The following ACSF3 variants were observed in gnomAD, a reference collection of about 807,000 sequenced individuals.
ACSF3 encodes the protein malonate--CoA ligase ACSF3, mitochondrial.
Under a neutral mutation model 53.2 loss-of-function variants are expected in ACSF3, and 78 were observed. The observed-to-expected ratio is 1.47, with a 90% CI of 1.22 to 1.77. The LOEUF is 1.77. ACSF3 is among the 40% of genes most tolerant of loss of function. The pLI, the probability that ACSF3 is intolerant of heterozygous loss-of-function variation, is 0.00. For synonymous variants in ACSF3, 414 were observed against 333.1 expected (o/e 1.24, Z -2.65); for missense variants, 937 against 771.1 (o/e 1.22, Z -2.55).
At chr16:89,102,822 C>T in intron 4 of ACSF3, 63 bp downstream of exon 4, 1 of 1,589,900 alleles carries the variant, frequency 6.3e-7, no homozygotes, top group Non-Finnish European at 8.5e-7. Context: ...CTGTCGGGGC[C>T]AGGGCTCTCA....
Position 89,120,856 on chromosome 16 carries a change from A to C in ACSF3, c.1182A>C (p.Pro394=). The change falls in exon 7 of 11, where the codon CCA becomes CCC. Residue 394 remains proline, a synonymous_variant. Coordinates refer to ENST00000614302, the MANE Select transcript of ACSF3 (RefSeq NM_001243279.3). ...GVQVRIVSEN[P]QREACSYTIH... is the part of the protein sequence containing the mutation. ...AGGTGCGCATTGTCTCAGAAAACCC[A>C]CAGAGGGAAGCCTGCTCCTACACCA... 6.2e-7 allele frequency: 1 copy of C among 1,614,034 alleles called. No homozygotes were observed. The highest frequency in any genetic ancestry group is 8.5e-7 in the Non-Finnish European group (1 of 1,179,976).
intron 1 of ACSF3, among the ~76,000 whole-genome samples, chr16:89,097,104 G>A (rs960287559): frequency 3.3e-5 from 5 of 152,236 alleles, no homozygotes; most frequent in African/African-American, 1.2e-4. Flanking sequence ...TCAGGAATTT[G>A]TAGAAATGCC....
At position 89,094,080 on chromosome 16, in the gene ACSF3, T is replaced by A. The variant is rs142287889; in HGVS notation, c.-194+84T>A. 1,466 of 150,876 alleles carry A rather than the reference T, an allele frequency of 9.7e-3. 16 individuals carry two copies. The highest frequency in any genetic ancestry group is 0.027 in the South Asian group (130 of 4,810). 9.3% of individuals were successfully genotyped at this position (150,876 alleles called of 1,614,324 possible). On this transcript the variant is annotated intron_variant, in intron 1 of 10. Transcript: ENST00000614302. ...GGGCGCGGGCTCCGGCGCCCGCCCC[T>A]GGGTCGCAGCTGGGCTTGAGCCGTG...
intron 7 of ACSF3, among the ~76,000 whole-genome samples, chr16:89,131,103 T>G (rs867775408): frequency 6.7e-6 from 1 of 148,940 alleles, no homozygotes; most frequent in African/African-American, 2.5e-5. Flanking sequence ...TGTTTGCCCT[T>G]TCTTTCTTTT....
At chr16:89,114,539 C>A (rs778868574) in intron 6 of ACSF3, 52 bp downstream of exon 6, 14 of 1,601,990 alleles carry the variant, frequency 8.7e-6, no homozygotes, top group South Asian at 5.5e-5. Context: ...TCTGAGCCCC[C>A]CAAGGTGGGC....
chr16:89,093,906 A>G lies in ACSF3; in HGVS notation c.-284A>G, dbSNP rs939222669. On this transcript the variant is annotated 5_prime_UTR_variant, in exon 1 of 11. Transcript: ENST00000614302. ...TCACGACCCCGCGGGACCCGGCCGG[A>G]ACCCGGCCCGACCCCGGCGCGCGCG... The G allele has an allele frequency of 4.6e-5, 15 of 328,096 alleles. No individual in the cohort carries two copies. The highest frequency in any genetic ancestry group is 2.0e-4 in the African/African-American group (9 of 44,796). The allele number at this position is 328,096 out of a possible 1,614,324, so 20.3% of individuals were successfully genotyped here.
intron 8 of ACSF3, among the ~76,000 whole-genome samples, chr16:89,133,930 C>T (rs886501033): frequency 2.0e-5 from 3 of 152,210 alleles, no homozygotes; most frequent in Admixed American, 6.5e-5. Flanking sequence ...CCCACTGCCA[C>T]CCTCCTGCTC....
chr16:89,146,381 G>A (rs1912962538), intron 10 of ACSF3, among the ~76,000 whole-genome samples: 1 of 152,162 alleles, frequency 6.6e-6, no homozygotes, highest in Non-Finnish European at 1.5e-5. Context: ...CATGCAGGAG[G>A]TGCATGGAGC....
chr16:89,114,256 C>A lies in ACSF3; in HGVS notation c.978-83C>A, dbSNP rs9940965. 2.9e-5 allele frequency: 47 copies of A among 1,597,680 alleles called. No homozygotes were observed. The Middle Eastern group carries it at 1.8e-3, about 62-fold the overall frequency. On this transcript the variant is annotated intron_variant, in intron 5 of 10. Coordinates refer to ENST00000614302, the MANE Select transcript of ACSF3 (RefSeq NM_001243279.3). ...TGCCACTTTTGCAAGCAAGGGCCGC[C>A]TCCTGAGGGGCTAAACCTGCCACCT...
In ACSF3 at chr16:89,155,156, C is replaced by T. The variant is rs964986955; in HGVS notation, c.*949C>T. ...GGCCAATTCAGATGCACAGGGGCCACATGCAGAATCCAGAAGTTTCTGGAC... is the reference window on the plus strand; with the variant it reads ...GGCCAATTCAGATGCACAGGGGCCATATGCAGAATCCAGAAGTTTCTGGAC... On this transcript the variant is annotated 3_prime_UTR_variant, in exon 11 of 11. Coordinates refer to ENST00000614302, the MANE Select transcript of ACSF3 (RefSeq NM_001243279.3). The T allele has an allele frequency of 6.6e-6, 3 of 454,056 alleles. No homozygotes were observed. The highest frequency in any genetic ancestry group is 1.3e-5 in the Non-Finnish European group (3 of 226,816). 28.1% of individuals were successfully genotyped at this position (454,056 alleles called of 1,614,324 possible).
chr16:89,120,953 C>T, intron 7 of ACSF3, 40 bp downstream of exon 7: 1 of 1,571,024 alleles, frequency 6.4e-7, no homozygotes, highest in Non-Finnish European at 8.8e-7. Flanking sequence ...GGCCGTGTGT[C>T]CAGTCTAGGC....
chr16:89,124,323 G>T (rs2151490182), intron 7 of ACSF3, among the ~76,000 whole-genome samples: 1 of 152,110 alleles, frequency 6.6e-6, no homozygotes, highest in East Asian at 1.9e-4. Flanking sequence ...GTGTGTGTGA[G>T]ACCCGTTTGC....
chr16:89,113,893 C>T (rs970363685), intron 5 of ACSF3: 1 of 320,848 alleles, frequency 3.1e-6, no homozygotes, highest in African/African-American at 2.2e-5. Context: ...GCTGCAGAGC[C>T]TGCAAGCTGA....
chr16:89,111,909 A>G (rs540690558), intron 4 of ACSF3, among the ~76,000 whole-genome samples, 183 bp from the exon 5 acceptor site: 1 of 152,346 alleles, frequency 6.6e-6, no homozygotes, highest in South Asian at 2.1e-4. Flanking sequence ...GGCCAGACGC[A>G]GCTGTCCCGC....
Position 89,136,583 on chromosome 16 carries a change from G to A in ACSF3, c.1366+3321G>A, listed in dbSNP as rs1219254249. On this transcript the variant is annotated intron_variant, in intron 8 of 10. Transcript: ENST00000614302. Reference sequence around the variant, plus strand: ...GCCACACGGATTCTGGCATAAGCCGGCGGGCACAGGGGACAGCCAGGGATG... The same window carrying A: ...GCCACACGGATTCTGGCATAAGCCGACGGGCACAGGGGACAGCCAGGGATG... 4.7e-6 allele frequency: 6 copies of A among 1,281,500 alleles called. No homozygotes were observed. In the East Asian group the frequency reaches 2.8e-4, roughly 60 times the overall value. 79.4% of individuals were successfully genotyped at this position (1,281,500 alleles called of 1,614,324 possible).
intron 10 of ACSF3, 99 bp from the exon 11 acceptor site, chr16:89,153,991 C>T: frequency 2.3e-6 from 3 of 1,279,936 alleles, no homozygotes; most frequent in Non-Finnish European, 3.3e-6. Flanking sequence ...GGCAAGGCTG[C>T]AGGGTCCCAG....
intron 7 of ACSF3, chr16:89,122,831 C>T (rs964848393): frequency 6.6e-6 from 1 of 152,368 alleles, no homozygotes; most frequent in Non-Finnish European, 1.5e-5. Flanking sequence ...TTAACTGCTT[C>T]ACACCTGCAT....
intron 7 of ACSF3, among the ~76,000 whole-genome samples, chr16:89,121,994 G>A (rs1472331572): frequency 3.9e-5 from 6 of 151,958 alleles, no homozygotes; most frequent in Admixed American, 2.6e-4. Context: ...TGGGCCCCCC[G>A]CAGTGGGCTG....
At chr16:89,145,570 G>T (rs996799693) in intron 9 of ACSF3, among the ~76,000 whole-genome samples, 169 bp downstream of exon 9, 3 of 152,210 alleles carry the variant, frequency 2.0e-5, no homozygotes, top group African/African-American at 7.2e-5. Flanking sequence ...GGCTAGTGGG[G>T]GTGCAGCCTG....
Sources: allele counts gnomAD v4.1 joint callset (sites outside exome capture counted in the v4.1 genomes callset), GRCh38; gene constraint gnomAD v4.1.1; transcripts MANE v1.5; gene names NCBI Gene and HGNC (gene_info 2026-07-23, HGNC 2026-07-21).